ACMSD: variants seen among roughly 807,000 people sequenced by gnomAD.
ACMSD encodes aminocarboxymuconate semialdehyde decarboxylase, also known as 2-amino-3-carboxymuconate-6-semialdehyde decarboxylase.
Under a neutral mutation model 45.9 loss-of-function variants are expected in ACMSD, and 37 were observed. The observed-to-expected ratio is 0.81, with a 90% CI of 0.62 to 1.06. The LOEUF (loss-of-function observed/expected upper bound fraction) is 1.06. Among genes scored for constraint, ACMSD ranks in the 50% least tolerant of loss-of-function variants. The pLI, the probability that ACMSD is intolerant of heterozygous loss-of-function variation, is 0.00. For missense variants in ACMSD, 434 were observed against 420.9 expected (o/e 1.03, Z -0.27); for synonymous variants, 138 against 148.8 (o/e 0.93, Z 0.53).
chr2:134,887,194 C>G lies in ACMSD; in HGVS notation c.850-11147C>G, dbSNP rs145918501. Among the ~76,000 whole-genome samples the G allele has an allele frequency of 1.1e-3, 172 of 152,152 alleles. 5 individuals carry two copies. The Middle Eastern group carries it at 0.041, about 36-fold the overall frequency. On this transcript the variant is annotated intron_variant, in intron 8 of 9. Coordinates refer to ENST00000356140, the MANE Select transcript of ACMSD (RefSeq NM_138326.3). ...ATCTATAGAGTCAATGTAATCCAAG[C>G]TAAATCTAAAAATCTAAAATGTATA...
At chr2:134,845,763 A>G (rs1559038330) in intron 2 of ACMSD, among the ~76,000 whole-genome samples, 2 of 152,166 alleles carry the variant, frequency 1.3e-5, no homozygotes, top group African/African-American at 4.8e-5. Context: ...AAGAGGAAAA[A>G]GCAAAAAGAA....
At chr2:134,862,094 C>G in intron 4 of ACMSD, 76 bp downstream of exon 4, 3 of 1,495,758 alleles carry the variant, frequency 2.0e-6, no homozygotes, top group East Asian at 2.3e-5. Context: ...ACAGATGCCT[C>G]AAGTTTGGAC....
intron 2 of ACMSD, among the ~76,000 whole-genome samples, chr2:134,851,977 G>T (rs558351827): frequency 3.5e-4 from 54 of 152,262 alleles, no homozygotes; most frequent in African/African-American, 1.3e-3. Flanking sequence ...ACTGAAATAG[G>T]AATGCACCTT....
At chr2:134,886,246 A>ATTATTATTTTTTTTTTTTTTTTTTT in intron 8 of ACMSD, among the ~76,000 whole-genome samples, 3 of 115,474 alleles carry the variant, frequency 2.6e-5, no homozygotes, top group African/African-American at 1.1e-4. Flanking sequence ...TATTATTATT[A>ATTATTATTTTTTTTTTTTTTTTTTT]TTTTTTTTTT....
intron 4 of ACMSD, chr2:134,862,910 G>A: frequency 4.1e-6 from 4 of 965,602 alleles, no homozygotes; most frequent in Non-Finnish European, 4.9e-6. Context: ...AGCCCTGAAT[G>A]TCACAGCCAA....
At chr2:134,854,965 G>C (rs773996884) in intron 2 of ACMSD, among the ~76,000 whole-genome samples, 1 of 152,176 alleles carries the variant, frequency 6.6e-6, no homozygotes, top group Non-Finnish European at 1.5e-5. Context: ...GTATTTTATA[G>C]TGATTAAGCT....
At chr2:134,897,328 T>C (rs1474641396) in intron 8 of ACMSD, among the ~76,000 whole-genome samples, 1 of 152,148 alleles carries the variant, frequency 6.6e-6, no homozygotes, top group East Asian at 1.9e-4. Context: ...AGCAGACACA[T>C]TGTTCTAGAC....
intron 9 of ACMSD, 47 bp downstream of exon 9, chr2:134,898,486 CT>C (rs1396777646): frequency 7.2e-7 from 1 of 1,396,354 alleles, no homozygotes; most frequent in Non-Finnish European, 9.7e-7. Flanking sequence ...TTTTCCTGCT[CT>C]AATTGGGTTT....
chr2:134,858,474 T>C (rs146502232), intron 2 of ACMSD, among the ~76,000 whole-genome samples: 11 of 152,284 alleles, frequency 7.2e-5, no homozygotes, highest in African/African-American at 2.6e-4. Flanking sequence ...TTAATAAAAA[T>C]GTATTGTATA....
chr2:134,853,938 T>C (rs1687465287), intron 2 of ACMSD, among the ~76,000 whole-genome samples: 1 of 152,216 alleles, frequency 6.6e-6, no homozygotes, highest in Non-Finnish European at 1.5e-5. Flanking sequence ...TAATTAACTT[T>C]AGCCTACTAC....
At chr2:134,870,460 C>T (rs148482808) in intron 6 of ACMSD, among the ~76,000 whole-genome samples, 1 of 152,164 alleles carries the variant, frequency 6.6e-6, no homozygotes, top group East Asian at 1.9e-4. Flanking sequence ...GAGAGAGAGA[C>T]AGCTAATATT....
chr2:134,885,439 A>T (rs1479787460), intron 8 of ACMSD, among the ~76,000 whole-genome samples: 1 of 118,540 alleles, frequency 8.4e-6, no homozygotes, highest in Non-Finnish European at 1.6e-5. Context: ...ATAATATATA[A>T]ATATATATAA....
intron 2 of ACMSD, among the ~76,000 whole-genome samples, chr2:134,854,821 C>T (rs541091627): frequency 7.0e-6 from 1 of 142,068 alleles, no homozygotes; most frequent in African/African-American, 2.6e-5. Context: ...ATTTTACAGA[C>T]AGAAAAAGTG....
chr2:134,885,805 G>A lies in ACMSD; in HGVS notation c.850-12536G>A, dbSNP rs189837251. Among the ~76,000 whole-genome samples, 81 of 152,078 alleles carry A rather than the reference G, an allele frequency of 5.3e-4. 1 individual carries two copies. In the East Asian group the frequency reaches 0.014, roughly 27 times the overall value. ...TTCAAGAGTAATAATCAGTCGAGTG[G>A]GTTTCCCGAGAGGGTCTTTTAAGCT... On this transcript the variant is annotated intron_variant, in intron 8 of 9. Coordinates refer to ENST00000356140, the MANE Select transcript of ACMSD (RefSeq NM_138326.3).
At chr2:134,877,779 A>T (rs951829769) in intron 8 of ACMSD, 2 of 152,248 alleles carry the variant, frequency 1.3e-5, no homozygotes, top group African/African-American at 4.8e-5. Flanking sequence ...ACCTAGAGTC[A>T]GAAGTCATAT....
At chr2:134,887,810 A>G (rs1002862025) in intron 8 of ACMSD, among the ~76,000 whole-genome samples, 4 of 152,198 alleles carry the variant, frequency 2.6e-5, no homozygotes, top group Non-Finnish European at 4.4e-5. Context: ...GCAAGAATCC[A>G]TCATATGGGG....
At chr2:134,898,054 A>G (rs190388928) in intron 8 of ACMSD, among the ~76,000 whole-genome samples, 17 of 151,412 alleles carry the variant, frequency 1.1e-4, no homozygotes, top group Admixed American at 1.1e-3. Context: ...ATAAATATCA[A>G]TTTCTTATAT....
chr2:134,889,119 A>G (rs990984039), intron 8 of ACMSD, among the ~76,000 whole-genome samples: 4 of 152,224 alleles, frequency 2.6e-5, no homozygotes, highest in Non-Finnish European at 5.9e-5. Context: ...AAGAAACAAC[A>G]TGAGTAAAAT....
chr2:134,848,180 C>T (rs1364144091), intron 2 of ACMSD, among the ~76,000 whole-genome samples: 3 of 152,114 alleles, frequency 2.0e-5, no homozygotes, highest in East Asian at 1.9e-4. Flanking sequence ...AGTCTATCAT[C>T]GATGGGCATT....
Sources: gnomAD v4.1 joint callset for allele counts (sites outside exome capture counted in the v4.1 genomes callset) on GRCh38, gnomAD v4.1.1 for gene constraint, MANE v1.5 for transcripts, NCBI Gene and HGNC (gene_info 2026-07-23, HGNC 2026-07-21) for gene names.